LTBP1: variants seen among roughly 807,000 people sequenced by gnomAD.
LTBP1 encodes the protein latent-transforming growth factor beta-binding protein 1.
Under a neutral mutation model 207.6 loss-of-function variants are expected in LTBP1, and 129 were observed. The observed-to-expected ratio is 0.62, with a 90% confidence interval of 0.54 to 0.72. The LOEUF (loss-of-function observed/expected upper bound fraction) is 0.72, where lower values mean the gene tolerates loss of function less well. Among genes scored for constraint, LTBP1 ranks in the 30% least tolerant of loss-of-function variants. LTBP1 has a pLI of 0.00. For missense variants in LTBP1, 2,281 were observed against 2,217.2 expected, an observed-to-expected ratio of 1.03 and a Z score of -0.58; for synonymous variants, 963 against 833.7, an observed-to-expected ratio of 1.16 and a Z score of -2.67.
At chr2:33,177,900 TG>T (rs1157256189) in intron 5 of LTBP1, among the ~76,000 whole-genome samples, 1 of 152,184 alleles carries the variant, frequency 6.6e-6, no homozygotes, top group African/African-American at 2.4e-5. Context: ...TACAAATTTG[TG>T]GGCATAGATA....
intron 3 of LTBP1, among the ~76,000 whole-genome samples, chr2:33,079,631 T>A (rs2149847051): frequency 6.6e-6 from 1 of 152,248 alleles, no homozygotes; most frequent in South Asian, 2.1e-4. Context: ...GGACCCATTT[T>A]TCTAAATAAC....
At chr2:33,198,647 A>C (rs2088846799) in intron 7 of LTBP1, among the ~76,000 whole-genome samples, 1 of 152,202 alleles carries the variant, frequency 6.6e-6, no homozygotes, top group African/African-American at 2.4e-5. Context: ...ATGTCGAGGA[A>C]TTTATCCATT....
At chr2:33,236,132 C>T (rs769808077) in intron 9 of LTBP1, among the ~76,000 whole-genome samples, 3 of 152,162 alleles carry the variant, frequency 2.0e-5, no homozygotes, top group African/African-American at 7.2e-5. Context: ...CAGGTAAGAA[C>T]TAAGACTGCG....
At chr2:33,139,949 T>G (rs2082507510) in intron 5 of LTBP1, among the ~76,000 whole-genome samples, 1 of 152,224 alleles carries the variant, frequency 6.6e-6, no homozygotes, top group South Asian at 2.1e-4. Flanking sequence ...CTTTGAGAAT[T>G]TACTAAAGTT....
chr2:32,953,446 C>G (rs948155917), intron 2 of LTBP1, among the ~76,000 whole-genome samples: 1 of 152,212 alleles, frequency 6.6e-6, no homozygotes, highest in African/African-American at 2.4e-5. Flanking sequence ...GAGGGCCACC[C>G]CGGCCCCCAT....
intron 24 of LTBP1, among the ~76,000 whole-genome samples, chr2:33,326,087 AAAAC>A (rs1181422094): frequency 4.6e-5 from 7 of 152,210 alleles, no homozygotes; most frequent in Admixed American, 2.0e-4. Context: ...GTTAAAAAAA[AAAAC>A]AGTGTTTTGT....
chr2:33,073,332 T>G (rs2077901617), intron 3 of LTBP1, among the ~76,000 whole-genome samples: 1 of 152,138 alleles, frequency 6.6e-6, no homozygotes, highest in South Asian at 2.1e-4. Context: ...AGATTTTTCT[T>G]TGACTATAAA....
At chr2:33,298,602 T>G (rs1038600222) in intron 20 of LTBP1, among the ~76,000 whole-genome samples, 1 of 152,246 alleles carries the variant, frequency 6.6e-6, no homozygotes, top group Admixed American at 6.5e-5. Context: ...CGTAGGCTGA[T>G]CTTTGCTGGC....
At chr2:33,254,862 T>G (rs1414935358) in intron 11 of LTBP1, among the ~76,000 whole-genome samples, 7 of 101,776 alleles carry the variant, frequency 6.9e-5, no homozygotes, top group African/African-American at 1.7e-4. Flanking sequence ...GTTTTTTTTT[T>G]TTTTTTTTTT....
chr2:32,956,433 A>G (rs192265961), intron 2 of LTBP1, among the ~76,000 whole-genome samples: 1 of 152,212 alleles, frequency 6.6e-6, no homozygotes, highest in African/African-American at 2.4e-5. Context: ...AGTAGATTCC[A>G]TCTCAAGAAA....
At chr2:33,088,176 G>T (rs914635314) in intron 3 of LTBP1, among the ~76,000 whole-genome samples, 5 of 152,206 alleles carry the variant, frequency 3.3e-5, no homozygotes, top group Admixed American at 1.3e-4. Flanking sequence ...ACAGTGAGCC[G>T]GGCGCGGTGG....
chr2:33,105,173 A>G (rs948703084), intron 3 of LTBP1, among the ~76,000 whole-genome samples: 1 of 152,172 alleles, frequency 6.6e-6, no homozygotes, highest in East Asian at 1.9e-4. Flanking sequence ...ACACTGGGAA[A>G]TACTGAGGGT....
intron 15 of LTBP1, among the ~76,000 whole-genome samples, chr2:33,266,722 C>T (rs767914232): frequency 3.9e-5 from 6 of 152,232 alleles, no homozygotes; most frequent in South Asian, 2.1e-4. Flanking sequence ...GACGTGCCCG[C>T]AGAAAGGAGC....
At chr2:33,287,516 G>T (rs11124313) in intron 19 of LTBP1, among the ~76,000 whole-genome samples, 54,339 of 152,144 alleles carry the variant, frequency 0.36, 10,535 homozygotes, top group Admixed American at 0.42. Flanking sequence ...AGTAACAATG[G>T]CTTGAGGATT....
At chr2:33,088,880 G>C (rs923100275) in intron 3 of LTBP1, among the ~76,000 whole-genome samples, 1 of 152,046 alleles carries the variant, frequency 6.6e-6, no homozygotes, top group Non-Finnish European at 1.5e-5. Context: ...GACAGGCTGG[G>C]TACAGGGGCT....
intron 5 of LTBP1, among the ~76,000 whole-genome samples, chr2:33,182,468 C>G (rs1159563537): frequency 6.6e-6 from 1 of 151,554 alleles, no homozygotes; most frequent in African/African-American, 2.4e-5. Context: ...CGAAACCATC[C>G]TGGCTAACAC....
At chr2:33,025,083 T>A (rs777618890) in intron 3 of LTBP1, among the ~76,000 whole-genome samples, 5 of 152,092 alleles carry the variant, frequency 3.3e-5, no homozygotes, top group Non-Finnish European at 7.4e-5. Flanking sequence ...GCCATAAGCT[T>A]CTCCCAGAGT....
chr2:33,115,563 A>G (rs561950074), intron 4 of LTBP1, among the ~76,000 whole-genome samples: 15 of 152,234 alleles, frequency 9.9e-5, no homozygotes, highest in Non-Finnish European at 1.9e-4. Context: ...GTAGGTAGTT[A>G]TGAGACTCAG....
In LTBP1 at chr2:33,392,183, A is replaced by ATT. The variant is rs60323377; in HGVS notation, c.4834+2888_4834+2889dup. 9.4e-3 allele frequency among the ~76,000 whole-genome samples: 1,389 copies of ATT among 148,208 alleles called. 10 individuals are homozygous for ATT. The highest frequency in any genetic ancestry group is 0.014 in the Non-Finnish European group (940 of 67,106). On this transcript the variant is annotated intron_variant, in intron 32 of 33. Transcript: ENST00000404816. Reference sequence around the variant, plus strand: ...TTGCCCTTTATAAGGGCCAGGTAGTATTTTTTTTTTTTCTTTTTTGAGACA... The same window carrying ATT: ...TTGCCCTTTATAAGGGCCAGGTAGTATTTTTTTTTTTTTTCTTTTTTGAGACA...
Sources: allele counts gnomAD v4.1 joint callset (sites outside exome capture counted in the v4.1 genomes callset), GRCh38; gene constraint gnomAD v4.1.1; transcripts MANE v1.5; gene names NCBI Gene and HGNC (gene_info 2026-07-23, HGNC 2026-07-21).